The following OTOA variants were observed in gnomAD, a reference collection of about 807,000 sequenced individuals.
The protein encoded by OTOA is cancer/testis antigen 108.
A neutral mutation model predicts 110.8 loss-of-function variants in OTOA; 70 were observed. The observed-to-expected ratio is 0.63, with a 90% CI of 0.52 to 0.77. The LOEUF (loss-of-function observed/expected upper bound fraction) is 0.77. OTOA is among the 30% of genes least tolerant of loss of function. The pLI is 0.00. For missense variants in OTOA, 917 were observed against 1,075.8 expected, an observed-to-expected ratio of 0.85 and a Z score of 2.06; for synonymous variants, 373 against 431.5, an observed-to-expected ratio of 0.86 and a Z score of 1.68.
At chr16:21,673,086 T>C (rs1185054257) in intron 1 of OTOA, among the ~76,000 whole-genome samples, 1 of 152,192 alleles carries the variant, frequency 6.6e-6, no homozygotes, top group Non-Finnish European at 1.5e-5. Flanking sequence ...AGTTCAAGGC[T>C]GCAGTGAGCC....
chr16:21,700,092 G>A (rs1488885345), intron 10 of OTOA, among the ~76,000 whole-genome samples: 1 of 151,856 alleles, frequency 6.6e-6, no homozygotes, highest in Non-Finnish European at 1.5e-5. Context: ...TGGACATGTG[G>A]GCCAAAAAGG....
intron 18 of OTOA, among the ~76,000 whole-genome samples, chr16:21,725,396 C>T (rs1411142038): frequency 2.0e-5 from 3 of 152,082 alleles, no homozygotes; most frequent in Non-Finnish European, 4.4e-5. Context: ...GTGATTCTTC[C>T]ACTTCAGCCT....
intron 1 of OTOA, among the ~76,000 whole-genome samples, chr16:21,664,982 A>AATG (rs1567356927): frequency 3.5e-5 from 5 of 143,226 alleles, no homozygotes; most frequent in African/African-American, 1.4e-4. Context: ...ATGAATGAAT[A>AATG]AATAAATAAA....
chr16:21,707,629 CT>C (rs1555499032), intron 12 of OTOA, among the ~76,000 whole-genome samples: 5 of 97,522 alleles, frequency 5.1e-5, no homozygotes, highest in African/African-American at 1.5e-4. Context: ...TTCTTTCTTT[CT>C]TTCTTTCTTT....
intron 15 of OTOA, among the ~76,000 whole-genome samples, chr16:21,718,473 C>T (rs1164531823): frequency 6.6e-6 from 1 of 152,136 alleles, no homozygotes; most frequent in Non-Finnish European, 1.5e-5. Flanking sequence ...TTTTGTGCTG[C>T]TTTTTGGCTC....
At chr16:21,756,858 C>G (rs1392741269) in intron 27 of OTOA, among the ~76,000 whole-genome samples, 5 of 146,996 alleles carry the variant, frequency 3.4e-5, no homozygotes, top group African/African-American at 7.6e-5. Flanking sequence ...GCAAGTCTGC[C>G]GGCTTTCCAT....
chr16:21,697,312 G>A (rs1207708508), intron 9 of OTOA, among the ~76,000 whole-genome samples: 2 of 152,068 alleles, frequency 1.3e-5, no homozygotes, highest in African/African-American at 2.4e-5. Flanking sequence ...TAGGCCCTAC[G>A]TATATGATTG....
Position 21,717,002 on chromosome 16 carries a change from A to G in OTOA, c.1584A>G (p.Gly528=). Residue 528 remains glycine, a synonymous_variant, in exon 15 of 29, where the codon GGA becomes GGG. Coordinates refer to ENST00000646100, the MANE Select transcript of OTOA (RefSeq NM_144672.4). ...VSLFDLRRQP[G]FNSTVLKDKE... is the part of the protein sequence containing the mutation. The stretch of plus-strand genomic sequence containing the variant: ...TCTTTGATTTAAGGAGGCAACCTGG[A>G]TTCAACTCTACAGTCCTGAAGGATA... 4 of 1,614,148 alleles carry G rather than the reference A, an allele frequency of 2.5e-6. No individual in the cohort carries two copies. Among genetic ancestry groups the G allele is most frequent in the Non-Finnish European group, 3.4e-6 (4 of 1,180,026 alleles).
intron 6 of OTOA, among the ~76,000 whole-genome samples, chr16:21,683,172 G>A (rs1022407012): frequency 6.6e-6 from 1 of 152,134 alleles, no homozygotes; most frequent in Non-Finnish European, 1.5e-5. Context: ...TACCCACAAG[G>A]ACCTTTCATT....
chr16:21,695,715 T>G (rs564285562), intron 9 of OTOA, among the ~76,000 whole-genome samples: 1 of 151,338 alleles, frequency 6.6e-6, no homozygotes, highest in East Asian at 1.9e-4. Flanking sequence ...GATGTTAGAG[T>G]CACTGCACCC....
Position 21,722,485 on chromosome 16 carries a change from TATATA to T in OTOA, c.1807-413_1807-409del, listed in dbSNP as rs1178218237. Reference sequence around the variant, plus strand: ...GAGCCCATTTGTGGTTTTTACATTATATATAATATAACTATATATATGCACATGCA... The same window carrying T: ...GAGCCCATTTGTGGTTTTTACATTATATATAACTATATATATGCACATGCA... On this transcript the variant is annotated intron_variant, in intron 17 of 28. Coordinates refer to ENST00000646100, the MANE Select transcript of OTOA (RefSeq NM_144672.4). 2.6e-5 allele frequency among the ~76,000 whole-genome samples: 4 copies of T among 151,320 alleles called. No homozygotes were observed. In the East Asian group the frequency reaches 5.8e-4, roughly 22 times the overall value.
chr16:21,692,188 G>T (rs963517966), intron 9 of OTOA, among the ~76,000 whole-genome samples: 1 of 152,008 alleles, frequency 6.6e-6, no homozygotes, highest in Non-Finnish European at 1.5e-5. Context: ...TTAACCGGGC[G>T]TGGTGGCGGG....
rs573611792 is a variant in OTOA, at chr16:21,728,917, A to G, written c.2207+486A>G. On this transcript the variant is annotated intron_variant, in intron 20 of 28. Coordinates refer to ENST00000646100, the MANE Select transcript of OTOA (RefSeq NM_144672.4). ...TTCAGATTTGCTGTAAAGTGGAATC[A>G]ATAGTAGCTGCCCTAAAAATCTCAA... 1.8e-4 allele frequency among the ~76,000 whole-genome samples: 27 copies of G among 152,260 alleles called. No homozygotes were observed. The East Asian group carries it at 5.0e-3, about 28-fold the overall frequency.
intron 18 of OTOA, among the ~76,000 whole-genome samples, chr16:21,724,238 C>G (rs1005267727): frequency 1.3e-5 from 2 of 151,992 alleles, no homozygotes; most frequent in African/African-American, 4.8e-5. Context: ...AAAGGAGAGG[C>G]AAAGGGGAGG....
At position 21,685,344 on chromosome 16, in the gene OTOA, G is replaced by A; in HGVS notation, c.382G>A (p.Asp128Asn). 1 of 1,612,172 alleles carries A rather than the reference G, an allele frequency of 6.2e-7. No homozygotes were observed. Among genetic ancestry groups the A allele is most frequent in the Admixed American group, 1.7e-5 (1 of 59,948 alleles). ...CACTGCCATGAAATGCCTCTTAGAAGACAAGAAGGACGGCTTGGTGAGGAG... is the reference window on the plus strand; with the variant it reads ...CACTGCCATGAAATGCCTCTTAGAAAACAAGAAGGACGGCTTGGTGAGGAG... ...FRTAMKCLLE[D>N]KKDGLDLKDI... The change falls in exon 7 of 29, where the codon GAC (aspartate) becomes AAC (asparagine). Residue 128 changes from aspartate to asparagine, a missense_variant. Around this residue, in one of 6 missense-constraint regions of OTOA, gnomAD observed 840 missense variants for 910.2 expected, o/e 0.92. Coordinates refer to ENST00000646100, the MANE Select transcript of OTOA (RefSeq NM_144672.4).
At chr16:21,760,128 T>G (rs1900122516) in intron 28 of OTOA, among the ~76,000 whole-genome samples, 1 of 151,928 alleles carries the variant, frequency 6.6e-6, no homozygotes, top group Admixed American at 6.6e-5. Flanking sequence ...AATCTTTTCT[T>G]TCCTAAAGTT....
At chr16:21,705,531 C>G in intron 12 of OTOA, 1 of 590,358 alleles carries the variant, frequency 1.7e-6, no homozygotes, top group Non-Finnish European at 2.9e-6. Context: ...CTGTCTCAGC[C>G]AGGCGCGGTG....
intron 13 of OTOA, among the ~76,000 whole-genome samples, chr16:21,714,133 T>C (rs924465562): frequency 2.0e-5 from 3 of 152,178 alleles, no homozygotes; most frequent in Admixed American, 6.5e-5. Flanking sequence ...TGTCCTTGAT[T>C]ATATGGAAAA....
At chr16:21,672,342 G>T (rs1410760810) in intron 1 of OTOA, among the ~76,000 whole-genome samples, 1 of 151,852 alleles carries the variant, frequency 6.6e-6, no homozygotes, top group Non-Finnish European at 1.5e-5. Flanking sequence ...TGACATATAC[G>T]CCGGGCACGG....
Sources: gnomAD v4.1 joint callset for allele counts (sites outside exome capture counted in the v4.1 genomes callset) on GRCh38, gnomAD v4.1.1 for gene constraint, gnomAD v4.1.1 regional missense constraint, MANE v1.5 for transcripts, NCBI Gene and HGNC (gene_info 2026-07-23, HGNC 2026-07-21) for gene names.